The following GALNT13 variants were observed in gnomAD, a reference collection of about 807,000 sequenced individuals.
GALNT13 encodes UDP-GalNAc:polypeptide N-acetylgalactosaminyltransferase 13.
In GALNT13, 28 loss-of-function variants were observed where a neutral mutation model predicts 64.2. The ratio of observed to expected loss-of-function variants is 0.44; its 90% CI spans 0.32 to 0.60. The LOEUF is 0.60. Ranked by LOEUF, GALNT13 falls within the 20% of genes least tolerant of loss-of-function variation. The probability of loss-of-function intolerance (pLI) is 0.05; values close to 1 mark genes in which losing one functional copy is unlikely to be tolerated. For synonymous variants in GALNT13, 214 were observed against 224.6 expected (o/e 0.95, Z 0.42); for missense variants, 577 against 669.8 (o/e 0.86, Z 1.53).
At chr2:153,179,857 C>G in the GALNT13 span, among the ~76,000 whole-genome samples, 1 of 151,938 alleles carries the variant, frequency 6.6e-6, no homozygotes, top group Non-Finnish European at 1.5e-5. Flanking sequence ...TATAGAAATA[C>G]TACTAATTTT....
chr2:153,422,537 C>T, the GALNT13 span, among the ~76,000 whole-genome samples: 1 of 151,980 alleles, frequency 6.6e-6, no homozygotes, highest in Non-Finnish European at 1.5e-5. Context: ...AAATCTTAGG[C>T]TAAGTGCTCT....
intron 3 of GALNT13, among the ~76,000 whole-genome samples, chr2:153,971,296 T>G (rs557140782): frequency 7.8e-4 from 119 of 152,302 alleles, no homozygotes; most frequent in Non-Finnish European, 1.3e-3. Flanking sequence ...CTTCTCTGCC[T>G]TGTTTTTTTA....
intron 3 of GALNT13, among the ~76,000 whole-genome samples, chr2:154,054,575 A>G (rs1699806062): frequency 6.6e-6 from 1 of 152,018 alleles, no homozygotes; most frequent in African/African-American, 2.4e-5. Context: ...TAAGGTATAA[A>G]TTGTGTGTGC....
chr2:154,047,743 A>G (rs1369857437), intron 3 of GALNT13, among the ~76,000 whole-genome samples: 1 of 152,194 alleles, frequency 6.6e-6, no homozygotes, highest in Admixed American at 6.5e-5. Flanking sequence ...TTATTGTGAT[A>G]TTAACTTAAA....
chr2:154,338,136 G>T (rs1695556992), intron 9 of GALNT13, among the ~76,000 whole-genome samples: 1 of 152,012 alleles, frequency 6.6e-6, no homozygotes, highest in Non-Finnish European at 1.5e-5. Context: ...AATCCAATTT[G>T]CATGATCAAC....
chr2:153,277,594 T>A, the GALNT13 span, among the ~76,000 whole-genome samples: 1 of 152,128 alleles, frequency 6.6e-6, no homozygotes, highest in Non-Finnish European at 1.5e-5. Flanking sequence ...GGTCAAATGG[T>A]CGTTCTGTTT....
At chr2:153,497,021 G>GA in the GALNT13 span, among the ~76,000 whole-genome samples, 3 of 142,886 alleles carry the variant, frequency 2.1e-5, no homozygotes, top group East Asian at 4.0e-4. Flanking sequence ...AAAGAAAAAA[G>GA]AAAAAAAAGA....
chr2:153,632,608 T>G, the GALNT13 span, among the ~76,000 whole-genome samples: 1 of 152,192 alleles, frequency 6.6e-6, no homozygotes, highest in Non-Finnish European at 1.5e-5. Flanking sequence ...TTTACCTTTT[T>G]TATAAAATAA....
Position 154,123,607 on chromosome 2 carries a change from G to A in GALNT13, c.143-16730G>A, listed in dbSNP as rs117987445. On this transcript the variant is annotated intron_variant, in intron 3 of 12. Coordinates refer to ENST00000392825, the MANE Select transcript of GALNT13 (RefSeq NM_052917.4). ...CCTGTGAAAGGTGTGTGGAGCAGCT[G>A]GAACTCTGACACATTTCTAGTGAAA... Among the ~76,000 whole-genome samples, 113 of 152,026 alleles carry A rather than the reference G, an allele frequency of 7.4e-4. No homozygotes were observed. The East Asian group carries it at 0.022, about 29-fold the overall frequency.
chr2:153,393,438 T>C, the GALNT13 span, among the ~76,000 whole-genome samples: 1 of 152,134 alleles, frequency 6.6e-6, no homozygotes, highest in Non-Finnish European at 1.5e-5. Context: ...ACTTAGGTTA[T>C]ACCCATTTCC....
intron 3 of GALNT13, among the ~76,000 whole-genome samples, chr2:154,076,124 T>C (rs1309016162): frequency 6.6e-6 from 1 of 151,620 alleles, no homozygotes. Context: ...TTCATTATAG[T>C]ACCCAATCTG....
rs918072478 is a variant in GALNT13, at chr2:154,154,264, A to G, written c.311+13759A>G. 4.6e-5 allele frequency among the ~76,000 whole-genome samples: 7 copies of G among 152,322 alleles called. No homozygotes were observed. The East Asian group carries it at 1.4e-3, about 29-fold the overall frequency. ...AAAGAAAAAGTAATTTTTAAAATGC[A>G]GAAGGTTTGGATAACCAAGGAATGG... On this transcript the variant is annotated intron_variant, in intron 4 of 12. Coordinates refer to ENST00000392825, the MANE Select transcript of GALNT13 (RefSeq NM_052917.4).
rs184859072 is a variant in GALNT13 at position 154,224,797 on chromosome 2, T to A, written c.312-17233T>A. On this transcript the variant is annotated intron_variant, in intron 4 of 12. Transcript: ENST00000392825. ...CAGCATTCTAATGTTTTTGAAAAAA[T>A]TATCTAAATTCCTCTTAACCTTGGT... 2.2e-4 allele frequency among the ~76,000 whole-genome samples: 33 copies of A among 152,138 alleles called. 1 individual carries two copies. Among genetic ancestry groups the A allele is most frequent in the African/African-American group, 7.0e-4 (29 of 41,534 alleles).
At chr2:153,178,119 C>CT in the GALNT13 span, among the ~76,000 whole-genome samples, 1 of 152,260 alleles carries the variant, frequency 6.6e-6, no homozygotes, top group African/African-American at 2.4e-5. Flanking sequence ...TTGATGGACT[C>CT]TGTTTGGTTC....
At chr2:153,579,095 A>T in the GALNT13 span, among the ~76,000 whole-genome samples, 1 of 152,308 alleles carries the variant, frequency 6.6e-6, no homozygotes, top group Admixed American at 6.5e-5. Context: ...CCAGAAATTT[A>T]GCTCATCCAA....
At chr2:153,503,692 C>T in the GALNT13 span, among the ~76,000 whole-genome samples, 5 of 152,110 alleles carry the variant, frequency 3.3e-5, no homozygotes, top group African/African-American at 4.8e-5. Context: ...CCACCCACCT[C>T]GGCCTCCCAA....
At chr2:153,181,847 A>G in the GALNT13 span, among the ~76,000 whole-genome samples, 1 of 146,340 alleles carries the variant, frequency 6.8e-6, no homozygotes, top group Non-Finnish European at 1.5e-5. Context: ...TTATATAATT[A>G]TATAAGTATA....
the GALNT13 span, among the ~76,000 whole-genome samples, chr2:153,699,528 T>G: frequency 6.6e-6 from 1 of 151,446 alleles, no homozygotes; most frequent in Admixed American, 6.6e-5. Flanking sequence ...GAAAAATCCT[T>G]CAAAAAATCA....
At chr2:154,211,254 C>A (rs1324615315) in intron 4 of GALNT13, among the ~76,000 whole-genome samples, 1 of 152,066 alleles carries the variant, frequency 6.6e-6, no homozygotes, top group African/African-American at 2.4e-5. Context: ...CAAATCTGTA[C>A]AGTGTGTTAC....
Sources: gnomAD v4.1 joint callset for allele counts (sites outside exome capture counted in the v4.1 genomes callset) on GRCh38, gnomAD v4.1.1 for gene constraint, MANE v1.5 for transcripts, NCBI Gene and HGNC (gene_info 2026-07-23, HGNC 2026-07-21) for gene names.